Variants in ZFHX3 observed in about 807,000 individuals in gnomAD.
ZFHX3 encodes the protein zinc finger homeobox 3.
Under a neutral mutation model 279.1 loss-of-function variants are expected in ZFHX3, and 42 were observed. That is an observed-to-expected ratio of 0.15 (90% CI 0.12 to 0.19). ZFHX3 has a LOEUF of 0.19. Ranked by LOEUF, ZFHX3 falls within the 10% of genes least tolerant of loss-of-function variation. The probability of loss-of-function intolerance (pLI) is 1.00; values close to 1 mark genes in which losing one functional copy is unlikely to be tolerated. For synonymous variants in ZFHX3, 2,293 were observed against 1,957.8 expected, an observed-to-expected ratio of 1.17 and a Z score of -4.52; for missense variants, 4,981 against 4,754.0, an observed-to-expected ratio of 1.05 and a Z score of -1.40.
At chr16:73,030,467 CAGG>C (rs2144674479) in intron 1 of ZFHX3, among the ~76,000 whole-genome samples, 1 of 152,274 alleles carries the variant, frequency 6.6e-6, no homozygotes, top group South Asian at 2.1e-4. Context: ...ATTGGTGAGG[CAGG>C]AGATTAGAAA....
At chr16:72,917,477 G>GA (rs1184421841) in intron 3 of ZFHX3, among the ~76,000 whole-genome samples, 7 of 152,164 alleles carry the variant, frequency 4.6e-5, no homozygotes, top group Non-Finnish European at 1.0e-4. Flanking sequence ...TTATAACAGT[G>GA]AAAAACTGGA....
At chr16:73,369,617 C>A (rs2016588296) in intron 3 of ZFHX3, among the ~76,000 whole-genome samples, 1 of 152,156 alleles carries the variant, frequency 6.6e-6, no homozygotes. Flanking sequence ...CACAAAACAG[C>A]ATGCCAGTGC....
At chr16:73,528,182 G>A (rs764866589) in intron 2 of ZFHX3, among the ~76,000 whole-genome samples, 2 of 152,132 alleles carry the variant, frequency 1.3e-5, no homozygotes. Context: ...AGGGAAATTC[G>A]ATGCATTATC....
intron 2 of ZFHX3, among the ~76,000 whole-genome samples, chr16:73,631,927 T>TCTCA (rs1437204921): frequency 1.1e-3 from 154 of 136,808 alleles, no homozygotes; most frequent in Non-Finnish European, 1.7e-3. Flanking sequence ...TCTCTCTCTC[T>TCTCA]CACACACACA....
chr16:73,777,568 C>T (rs1165614895), intron 1 of ZFHX3, among the ~76,000 whole-genome samples: 2 of 100,698 alleles, frequency 2.0e-5, no homozygotes, highest in African/African-American at 3.6e-5. Flanking sequence ...ATTAAGAAAA[C>T]ATTTATTTAT....
In ZFHX3 at chr16:73,308,669, G is replaced by C. The variant is rs910348193; in HGVS notation, c.-1194+9571C>G. Among the ~76,000 whole-genome samples the C allele has an allele frequency of 3.3e-5, 5 of 152,060 alleles. No individual in the cohort carries two copies. The South Asian group carries it at 1.0e-3, about 31-fold the overall frequency. ...GCTAGGAAATGAGGAACTTGATTAA[G>C]TAGTGTTACAATGGAACAACTTATG... On this transcript the variant is annotated intron_variant, in intron 4 of 17. Transcript: ENST00000641206.
chr16:73,369,697 C>G (rs2016589923), intron 3 of ZFHX3, among the ~76,000 whole-genome samples: 1 of 152,166 alleles, frequency 6.6e-6, no homozygotes, highest in Non-Finnish European at 1.5e-5. Flanking sequence ...GTGGCTCTTG[C>G]TCCTGAAGAT....
chr16:73,136,909 A>G (rs1446427875), intron 6 of ZFHX3, among the ~76,000 whole-genome samples: 1 of 150,694 alleles, frequency 6.6e-6, no homozygotes, highest in Non-Finnish European at 1.5e-5. Flanking sequence ...CAGGTCTTGG[A>G]GCAGCATAAG....
At position 73,011,033 on chromosome 16, in the gene ZFHX3, G is replaced by A. The variant is rs139360267; in HGVS notation, c.-50+36719C>T. Among the ~76,000 whole-genome samples, 648 of 152,256 alleles carry A rather than the reference G, an allele frequency of 4.3e-3. 2 individuals carry two copies. The highest frequency in any genetic ancestry group is 7.2e-3 in the Non-Finnish European group (492 of 68,034). On this transcript the variant is annotated intron_variant, in intron 1 of 9. Coordinates refer to ENST00000268489, the MANE Select transcript of ZFHX3 (RefSeq NM_006885.4). ...CTCTTGTCATCCAGGCTGGACTGGAGTACAGTGGCGTGATCTTGGCTCACT... is the reference window on the plus strand; with the variant it reads ...CTCTTGTCATCCAGGCTGGACTGGAATACAGTGGCGTGATCTTGGCTCACT...
intron 1 of ZFHX3, among the ~76,000 whole-genome samples, chr16:73,035,702 A>C (rs1247227679): frequency 6.6e-6 from 1 of 152,236 alleles, no homozygotes; most frequent in Non-Finnish European, 1.5e-5. Flanking sequence ...CCTGGCCAAC[A>C]TGGCAAAACC....
At chr16:72,846,703 A>T (rs1043321003) in intron 4 of ZFHX3, among the ~76,000 whole-genome samples, 14 of 152,232 alleles carry the variant, frequency 9.2e-5, no homozygotes, top group African/African-American at 3.4e-4. Context: ...TTTCCAGTAG[A>T]AAAACTCCTG....
chr16:72,857,557 T>C (rs1597316559), intron 4 of ZFHX3, among the ~76,000 whole-genome samples: 1 of 152,254 alleles, frequency 6.6e-6, no homozygotes, highest in East Asian at 1.9e-4. Flanking sequence ...TGGTGGCACA[T>C]GTCTGTAGTC....
intron 4 of ZFHX3, among the ~76,000 whole-genome samples, chr16:72,863,181 T>A (rs1212341605): frequency 4.6e-5 from 7 of 151,630 alleles, no homozygotes; most frequent in Admixed American, 1.3e-4. Context: ...TTTTTAGGGG[T>A]CTGATATTGC....
At chr16:73,786,611 G>C (rs541314832) in intron 1 of ZFHX3, among the ~76,000 whole-genome samples, 7 of 152,164 alleles carry the variant, frequency 4.6e-5, no homozygotes, top group East Asian at 1.9e-4. Flanking sequence ...TGGCAGGGGG[G>C]GCCAAAGAGG....
rs569605297 is a variant in ZFHX3 at position 73,774,765 on chromosome 16, T to A, written c.-1607-94525A>T. ...ACGGTGGTTTTCTTAATGGGAGTGGTTTTTCAACTCTAGTATTTGGAACTG... is the reference window on the plus strand; with the variant it reads ...ACGGTGGTTTTCTTAATGGGAGTGGATTTTCAACTCTAGTATTTGGAACTG... On this transcript the variant is annotated intron_variant, in intron 1 of 17. Transcript: ENST00000641206. 2.9e-4 allele frequency among the ~76,000 whole-genome samples: 44 copies of A among 152,000 alleles called. No homozygotes were observed. In the South Asian group the frequency reaches 4.2e-3, roughly 14 times the overall value.
chr16:73,450,694 T>G (rs1415517671), intron 3 of ZFHX3, among the ~76,000 whole-genome samples: 2 of 152,238 alleles, frequency 1.3e-5, no homozygotes, highest in Non-Finnish European at 2.9e-5. Flanking sequence ...TTTCATATTT[T>G]AATCCTCAAG....
Position 72,797,978 on chromosome 16 carries a change from G to A in ZFHX3, c.4704C>T (p.Ser1568=), listed in dbSNP as rs771779056. The A allele has an allele frequency of 3.7e-5, 60 of 1,614,100 alleles. No individual in the cohort carries two copies. The highest frequency in any genetic ancestry group is 2.9e-4 in the South Asian group (26 of 91,080). ...GGGCTCTCTTTAACTTATGCAGGTG[G>A]GAGACAGAATTGTAGTGTACTAGCA... The part of the protein sequence containing the change: ...NILLVHYNSV[S]HLHKLKRALQ... Residue 1568 remains serine (S), a synonymous_variant, in exon 9 of 10, where the codon TCC becomes TCT. Coordinates refer to ENST00000268489, the MANE Select transcript of ZFHX3 (RefSeq NM_006885.4).
chr16:73,629,300 C>G (rs571712858), intron 2 of ZFHX3, among the ~76,000 whole-genome samples: 35 of 152,174 alleles, frequency 2.3e-4, no homozygotes, highest in Non-Finnish European at 4.3e-4. Context: ...GATTGCCCAG[C>G]CTTTTGTTCA....
chr16:72,798,651 A>C lies in ZFHX3; in HGVS notation c.4031T>G (p.Leu1344Trp), dbSNP rs145446485. ...PSASTEQSGDLKPSPADPGSV... is the reference protein window; with the variant it reads ...PSASTEQSGDWKPSPADPGSV... ...GCCTGGGTCAGCAGGGGATGGTTTC[A>C]AATCTCCGCTTTGCTCTGTGCTTGC... is the stretch of plus-strand genomic sequence containing the variant. The change falls in exon 9 of 10, where the codon TTG (leucine) becomes TGG (tryptophan). Residue 1344 changes from leucine (L) to tryptophan (W), a missense_variant. Leu to Trp is a moderately conservative substitution (Grantham distance 61). Coordinates refer to ENST00000268489, the MANE Select transcript of ZFHX3 (RefSeq NM_006885.4). 1.6e-4 allele frequency: 257 copies of C among 1,613,466 alleles called. No individual in the cohort carries two copies. The highest frequency in any genetic ancestry group is 3.0e-4 in the Admixed American group (18 of 59,934).
Sources: allele counts gnomAD v4.1 joint callset (sites outside exome capture counted in the v4.1 genomes callset), GRCh38; gene constraint gnomAD v4.1.1; transcripts MANE v1.5; gene names NCBI Gene and HGNC (gene_info 2026-07-23, HGNC 2026-07-21).